Variants in PCDHA2 observed in about 807,000 individuals in gnomAD.
PCDHA2 encodes the protein protocadherin alpha 2.
In PCDHA2, 58 loss-of-function variants were observed where a neutral mutation model predicts 66.0. The ratio of observed to expected loss-of-function variants is 0.88; its 90% CI spans 0.71 to 1.09. The LOEUF (loss-of-function observed/expected upper bound fraction) is 1.09, where lower values mean the gene tolerates loss of function less well. Among genes scored for constraint, PCDHA2 ranks in the 50% least tolerant of loss-of-function variants. The pLI is 0.00. For missense variants in PCDHA2, 1,267 were observed against 1,242.3 expected, an observed-to-expected ratio of 1.02 and a Z score of -0.30; for synonymous variants, 634 against 554.0, an observed-to-expected ratio of 1.14 and a Z score of -2.03.
intron 3 of PCDHA2, among the ~76,000 whole-genome samples, chr5:140,989,611 A>G (rs2097350612): frequency 6.6e-6 from 1 of 152,232 alleles, no homozygotes. Flanking sequence ...ACTAAAAATG[A>G]AAGTCTGTCC....
chr5:140,989,889 C>T (rs1220430844), intron 3 of PCDHA2, among the ~76,000 whole-genome samples: 3 of 151,522 alleles, frequency 2.0e-5, no homozygotes, highest in Admixed American at 6.6e-5. Flanking sequence ...TTGGAGTCTC[C>T]GTTATTCACA....
intron 1 of PCDHA2, chr5:140,969,176 G>T (rs1554231542): frequency 6.2e-7 from 1 of 1,614,102 alleles, no homozygotes; most frequent in African/African-American, 1.3e-5. Context: ...CTCAGGGAGT[G>T]ACACTTTCAT....
chr5:140,858,817 G>A (rs1212820522), intron 1 of PCDHA2: 1 of 345,356 alleles, frequency 2.9e-6, no homozygotes, highest in Non-Finnish European at 5.3e-6. Context: ...TGATTTGATT[G>A]TATTTGCATT....
intron 1 of PCDHA2, among the ~76,000 whole-genome samples, chr5:140,955,465 T>C (rs2095187437): frequency 6.6e-6 from 1 of 152,128 alleles, no homozygotes; most frequent in Non-Finnish European, 1.5e-5. Flanking sequence ...TTTTCCTTTT[T>C]GCTTGGCACC....
chr5:140,834,721 C>T (rs2150224932), intron 1 of PCDHA2: 2 of 1,614,104 alleles, frequency 1.2e-6, no homozygotes, highest in African/African-American at 2.7e-5. Flanking sequence ...GTGGAAAGGC[C>T]GCTGCAGGTT....
chr5:140,883,394 G>T, intron 1 of PCDHA2: 2 of 1,614,124 alleles, frequency 1.2e-6, no homozygotes, highest in South Asian at 2.2e-5. Context: ...CAGTGTGTCC[G>T]ATCGTGACTC....
rs1443126988 is a variant in PCDHA2 at position 140,960,088 on chromosome 5, A to G, written c.2389-18861A>G. Among the ~76,000 whole-genome samples, 6 of 152,248 alleles carry G rather than the reference A, an allele frequency of 3.9e-5. No homozygotes were observed. The East Asian group carries it at 5.8e-4, about 15-fold the overall frequency. ...TTCAATTGAAGTTTCTAAAAGAGAA[A>G]GAAACTTGTAGTTGTGGGAACAATA... On this transcript the variant is annotated intron_variant, in intron 1 of 3. Coordinates refer to ENST00000526136, the MANE Select transcript of PCDHA2 (RefSeq NM_018905.3).
intron 1 of PCDHA2, among the ~76,000 whole-genome samples, chr5:140,838,972 A>G (rs1775978253): frequency 6.6e-6 from 1 of 151,966 alleles, no homozygotes; most frequent in African/African-American, 2.4e-5. Flanking sequence ...AGAACTGACA[A>G]TTTTCACTGT....
intron 1 of PCDHA2, chr5:140,882,806 T>A: frequency 6.2e-7 from 1 of 1,614,218 alleles, no homozygotes; most frequent in Non-Finnish European, 8.5e-7. Flanking sequence ...TTATTTCACT[T>A]TGGACGCACA....
At chr5:140,922,373 C>A (rs1337198160) in intron 1 of PCDHA2, among the ~76,000 whole-genome samples, 1 of 152,158 alleles carries the variant, frequency 6.6e-6, no homozygotes, top group African/African-American at 2.4e-5. Context: ...CACTGAGATG[C>A]AAAACCAAAG....
chr5:140,875,426 A>G, intron 1 of PCDHA2: 1 of 1,532,482 alleles, frequency 6.5e-7, no homozygotes, highest in Non-Finnish European at 8.7e-7. Context: ...CAGGCAAGCG[A>G]TCCCTTAAAA....
At chr5:140,978,485 A>G (rs992352505) in intron 1 of PCDHA2, among the ~76,000 whole-genome samples, 2 of 152,264 alleles carry the variant, frequency 1.3e-5, no homozygotes, top group Admixed American at 1.3e-4. Flanking sequence ...CAGTCTGCAA[A>G]GCCAGCAGCA....
chr5:140,990,155 G>A (rs1483856647), intron 3 of PCDHA2, among the ~76,000 whole-genome samples: 2 of 152,076 alleles, frequency 1.3e-5, no homozygotes, highest in Admixed American at 6.5e-5. Context: ...ATAATAGAAA[G>A]TTAGGGTATG....
At chr5:140,806,944 G>A (rs1280740122) in intron 1 of PCDHA2, 4 of 576,276 alleles carry the variant, frequency 6.9e-6, no homozygotes, top group Non-Finnish European at 9.2e-6. Flanking sequence ...TTACAGTAGA[G>A]TGTGTGGGGG....
intron 1 of PCDHA2, chr5:140,822,763 T>A: frequency 6.2e-7 from 1 of 1,614,086 alleles, no homozygotes; most frequent in Non-Finnish European, 8.5e-7. Context: ...ATTCCCATTA[T>A]CAGGACACTG....
intron 1 of PCDHA2, chr5:140,837,289 A>G (rs1775001022): frequency 6.6e-6 from 1 of 152,010 alleles, no homozygotes; most frequent in Non-Finnish European, 1.5e-5. Flanking sequence ...TTTTTAACTT[A>G]CTTTGTTGAG....
At chr5:140,921,958 A>G (rs155363) in intron 1 of PCDHA2, among the ~76,000 whole-genome samples, 87,659 of 151,706 alleles carry the variant, frequency 0.58, 26,267 homozygotes, top group African/African-American at 0.75. Flanking sequence ...AAATCCCAGA[A>G]AACCAAAGGA....
intron 1 of PCDHA2, chr5:140,858,279 G>A: frequency 2.5e-6 from 4 of 1,597,396 alleles, no homozygotes; most frequent in South Asian, 1.1e-5. Flanking sequence ...AGCGCGGTGG[G>A]GAGCTGGTCT....
rs148283153 is a variant in PCDHA2, at chr5:140,857,227, G to A, written c.2388+59875G>A. 3.8e-6 allele frequency: 6 copies of A among 1,598,330 alleles called. No individual in the cohort carries two copies. The African/African-American group carries it at 4.0e-5, about 11-fold the overall frequency. ...CCTGCTCTCTGACGCCTCACGTTCCGTTCAAGCTGGTGTCCACCTACAAGA... is the reference window on the plus strand; with the variant it reads ...CCTGCTCTCTGACGCCTCACGTTCCATTCAAGCTGGTGTCCACCTACAAGA... On this transcript the variant is annotated intron_variant, in intron 1 of 3. Coordinates refer to ENST00000526136, the MANE Select transcript of PCDHA2 (RefSeq NM_018905.3).
Sources: gnomAD v4.1 joint callset for allele counts (sites outside exome capture counted in the v4.1 genomes callset) on GRCh38, gnomAD v4.1.1 for gene constraint, MANE v1.5 for transcripts, NCBI Gene and HGNC (gene_info 2026-07-23, HGNC 2026-07-21) for gene names.